Variants in OPCML observed in about 807,000 individuals in gnomAD.
The protein encoded by OPCML is opioid binding protein/cell adhesion molecule like, also known as opioid-binding protein/cell adhesion molecule.
OPCML carries 13 observed loss-of-function variants against 37.8 expected under a neutral mutation model. The observed-to-expected ratio is 0.34, with a 90% CI of 0.22 to 0.55. The LOEUF (loss-of-function observed/expected upper bound fraction) is 0.55, where lower values mean the gene tolerates loss of function less well. Among genes scored for constraint, OPCML ranks in the 20% least tolerant of loss-of-function variants. OPCML has a pLI of 0.91. For synonymous variants in OPCML, 176 were observed against 168.8 expected (o/e 1.04, Z -0.33); for missense variants, 341 against 435.6 (o/e 0.78, Z 1.93).
chr11:133,408,897 T>G (rs868751987), intron 1 of OPCML, among the ~76,000 whole-genome samples: 13 of 152,312 alleles, frequency 8.5e-5, no homozygotes, highest in Middle Eastern at 3.4e-3. Context: ...TTAGACACTT[T>G]AGTTCAATCG....
rs764942523 is a variant in OPCML, at chr11:132,436,655, G to T, written c.764+4C>A. ...GAACTGTCCAGGTGTCATTTAAAAGGTACCTGGTTTCTTCCTTGAACCACT... is the reference window on the plus strand; with the variant it reads ...GAACTGTCCAGGTGTCATTTAAAAGTTACCTGGTTTCTTCCTTGAACCACT... On this transcript the variant is annotated splice_donor_region_variant and intron_variant, in intron 6 of 7. Coordinates refer to ENST00000524381, the MANE Select transcript of OPCML (RefSeq NM_001012393.5). 1.2e-6 allele frequency: 2 copies of T among 1,614,122 alleles called. No individual in the cohort carries two copies. Among genetic ancestry groups the T allele is most frequent in the South Asian group, 2.2e-5 (2 of 91,084 alleles).
Position 132,878,008 on chromosome 11 carries a change from C to T in OPCML, c.146+64918G>A, listed in dbSNP as rs181747549. Among the ~76,000 whole-genome samples the T allele has an allele frequency of 2.1e-3, 319 of 152,188 alleles. 2 individuals are homozygous for T. Among genetic ancestry groups the T allele is most frequent in the African/African-American group, 7.4e-3 (306 of 41,534 alleles). ...CCATCCTGGCTAACATGGTGAAACC[C>T]CGTCTCTACTAAAAATACAACAAAT... On this transcript the variant is annotated intron_variant, in intron 2 of 7. Transcript: ENST00000524381.
intron 1 of OPCML, among the ~76,000 whole-genome samples, chr11:133,044,582 T>C (rs1947971820): frequency 1.3e-5 from 2 of 152,232 alleles, no homozygotes; most frequent in Non-Finnish European, 2.9e-5. Context: ...GAATGTTTAC[T>C]CTCAGCCAAG....
At chr11:132,634,529 A>G (rs1940359194) in intron 3 of OPCML, among the ~76,000 whole-genome samples, 1 of 152,170 alleles carries the variant, frequency 6.6e-6, no homozygotes, top group African/African-American at 2.4e-5. Flanking sequence ...TACATGCTTC[A>G]AGGGAAGGGT....
intron 1 of OPCML, among the ~76,000 whole-genome samples, chr11:133,178,606 G>A (rs1006043070): frequency 6.6e-6 from 1 of 152,106 alleles, no homozygotes; most frequent in Non-Finnish European, 1.5e-5. Flanking sequence ...ATTTTGGAAT[G>A]GAGACAACCA....
chr11:133,055,145 C>T (rs11223345), intron 1 of OPCML, among the ~76,000 whole-genome samples: 99 of 128,000 alleles, frequency 7.7e-4, no homozygotes, highest in African/African-American at 1.4e-3. Context: ...GTGGTGAGAC[C>T]CCATGAGGGA....
chr11:132,612,768 C>T (rs1397273628), intron 3 of OPCML, among the ~76,000 whole-genome samples: 1 of 152,154 alleles, frequency 6.6e-6, no homozygotes, highest in Non-Finnish European at 1.5e-5. Context: ...TCACTCACAG[C>T]CAGAGCAAAC....
intron 4 of OPCML, among the ~76,000 whole-genome samples, chr11:132,462,800 G>A (rs571107830): frequency 3.9e-5 from 6 of 152,240 alleles, no homozygotes; most frequent in Non-Finnish European, 8.8e-5. Context: ...GCTGGTAACC[G>A]TGCCTGGATA....
chr11:132,974,477 G>A (rs1946412313), intron 1 of OPCML, among the ~76,000 whole-genome samples: 1 of 152,134 alleles, frequency 6.6e-6, no homozygotes, highest in Admixed American at 6.5e-5. Context: ...AGTTAGAATG[G>A]CGATCATTAA....
chr11:133,465,098 A>G (rs779530568), intron 1 of OPCML, among the ~76,000 whole-genome samples: 6 of 152,208 alleles, frequency 3.9e-5, no homozygotes, highest in African/African-American at 9.6e-5. Context: ...TCAGGAGAAC[A>G]GGAGTTTACA....
chr11:133,186,175 G>C (rs1161730052), intron 1 of OPCML, among the ~76,000 whole-genome samples: 1 of 152,162 alleles, frequency 6.6e-6, no homozygotes, highest in Non-Finnish European at 1.5e-5. Context: ...CCCACTCTGA[G>C]GGAAGGCGAA....
At chr11:132,933,779 T>C (rs1421418784) in intron 2 of OPCML, among the ~76,000 whole-genome samples, 3 of 151,980 alleles carry the variant, frequency 2.0e-5, no homozygotes, top group South Asian at 4.2e-4. Flanking sequence ...AAAATGACAA[T>C]TGGAAGAGGA....
chr11:132,808,921 T>C (rs1018533467), intron 2 of OPCML, among the ~76,000 whole-genome samples: 1 of 151,926 alleles, frequency 6.6e-6, no homozygotes, highest in African/African-American at 2.4e-5. Flanking sequence ...CAAACATAAT[T>C]CAGACCTTTG....
At chr11:133,054,645 T>C (rs921948408) in intron 1 of OPCML, among the ~76,000 whole-genome samples, 3 of 152,228 alleles carry the variant, frequency 2.0e-5, no homozygotes, top group Non-Finnish European at 4.4e-5. Flanking sequence ...ATGATTTCGA[T>C]TTAACCATCA....
intron 1 of OPCML, among the ~76,000 whole-genome samples, chr11:133,202,097 A>C (rs1485728502): frequency 6.6e-6 from 1 of 152,184 alleles, no homozygotes; most frequent in African/African-American, 2.4e-5. Context: ...AAAGATAGAC[A>C]TAAAGAAATA....
chr11:132,758,927 G>T (rs1246691365), intron 2 of OPCML, among the ~76,000 whole-genome samples: 2 of 152,118 alleles, frequency 1.3e-5, no homozygotes, highest in Non-Finnish European at 2.9e-5. Flanking sequence ...GTATGATATT[G>T]GTTGTGGGTT....
chr11:132,517,275 G>T (rs1181247592), intron 4 of OPCML, among the ~76,000 whole-genome samples: 1 of 152,180 alleles, frequency 6.6e-6, no homozygotes, highest in Non-Finnish European at 1.5e-5. Context: ...GGGATGTAGA[G>T]ATTTTTAGAA....
intron 1 of OPCML, chr11:133,004,162 C>A (rs1947063187): frequency 1.0e-6 from 1 of 985,292 alleles, no homozygotes; most frequent in African/African-American, 1.7e-5. Context: ...GAGAGTGGGT[C>A]TCACTCCTCT....
At chr11:132,811,587 T>C (rs555424154) in intron 2 of OPCML, among the ~76,000 whole-genome samples, 1 of 152,278 alleles carries the variant, frequency 6.6e-6, no homozygotes, top group African/African-American at 2.4e-5. Flanking sequence ...TTTTCTTATG[T>C]GTCTATATTT....
Sources: gnomAD v4.1 joint callset for allele counts (sites outside exome capture counted in the v4.1 genomes callset) on GRCh38, gnomAD v4.1.1 for gene constraint, MANE v1.5 for transcripts, NCBI Gene and HGNC (gene_info 2026-07-23, HGNC 2026-07-21) for gene names.